Variants in ARF4 observed in about 807,000 individuals in gnomAD.
ARF4 encodes ADP-ribosylation factor 4.
A neutral mutation model predicts 24.3 loss-of-function variants in ARF4; 5 were observed. The ratio of observed to expected loss-of-function variants is 0.21; its 90% confidence interval spans 0.11 to 0.43. The LOEUF is 0.43. ARF4 is among the 20% of genes least tolerant of loss of function. The pLI is 1.00. For synonymous variants in ARF4, 62 were observed against 73.5 expected (o/e 0.84, Z 0.80); for missense variants, 107 against 213.0 (o/e 0.50, Z 3.10).
intron 5 of ARF4, among the ~76,000 whole-genome samples, chr3:57,574,851 C>T (rs1412947341): frequency 6.6e-5 from 10 of 151,800 alleles, no homozygotes; most frequent in Admixed American, 6.6e-4. Flanking sequence ...GACCCCCCAT[C>T]TCCACTTTTT....
At chr3:57,577,415 T>C in intron 3 of ARF4, 28 bp from the exon 4 acceptor site, 1 of 1,585,786 alleles carries the variant, frequency 6.3e-7, no homozygotes, top group East Asian at 2.2e-5. Context: ...CAGTAAATTT[T>C]AACAGTTAAA....
chr3:57,590,029 G>A (rs1036125056), intron 1 of ARF4, among the ~76,000 whole-genome samples: 23 of 146,280 alleles, frequency 1.6e-4, no homozygotes, highest in African/African-American at 2.3e-4. Context: ...AGGTGGAGGC[G>A]CAGTGAGTCG....
chr3:57,577,069 C>A (rs1028061179), intron 4 of ARF4, among the ~76,000 whole-genome samples: 12 of 145,254 alleles, frequency 8.3e-5, no homozygotes, highest in African/African-American at 1.1e-4. Flanking sequence ...AAAAAAAAAA[C>A]AACACTGCTC....
At chr3:57,582,660 C>G (rs897993804) in intron 3 of ARF4, among the ~76,000 whole-genome samples, 1 of 152,102 alleles carries the variant, frequency 6.6e-6, no homozygotes, top group Non-Finnish European at 1.5e-5. Context: ...GCAATAAACC[C>G]CACTTGTATG....
At chr3:57,581,833 G>A (rs1212166780) in intron 3 of ARF4, among the ~76,000 whole-genome samples, 1 of 152,152 alleles carries the variant, frequency 6.6e-6, no homozygotes, top group Non-Finnish European at 1.5e-5. Flanking sequence ...GAGCACATTA[G>A]AGATGAGTAT....
intron 1 of ARF4, 100 bp from the exon 2 acceptor site, chr3:57,584,564 C>A: frequency 1.0e-6 from 1 of 990,866 alleles, no homozygotes; most frequent in Non-Finnish European, 1.5e-6. Context: ...GTTGACTGTT[C>A]AAGACAACTT....
chr3:57,594,271 AT>A (rs906186587), intron 1 of ARF4, among the ~76,000 whole-genome samples: 1 of 152,136 alleles, frequency 6.6e-6, no homozygotes, highest in Admixed American at 6.5e-5. Flanking sequence ...CTTTATTTTT[AT>A]TTTTTTCAAA....
Position 57,575,579 on chromosome 3 carries a change from TTATC to T in ARF4, c.421_424del (p.Asp141AsnfsTer2). ...GTTACGAAGAGACTGAAGCCCTAGT[TTATC>T]TGTCATTTCACTGATGGCCATAGCA... On this transcript the variant is annotated frameshift_variant, in exon 5 of 6. Coordinates refer to ENST00000303436, the MANE Select transcript of ARF4 (RefSeq NM_001660.4). LOFTEE classifies it high-confidence loss of function. 1.2e-6 allele frequency: 2 copies of T among 1,613,526 alleles called. No individual in the cohort carries two copies. The highest frequency in any genetic ancestry group is 1.7e-6 in the Non-Finnish European group (2 of 1,179,852).
chr3:57,596,806 C>G lies in ARF4; in HGVS notation c.67+268G>C. ...CACATCTCTGCCCAATGTTGTCCAG[C>G]TTTCAATAAGATCAAGGAGAAAAAG... On this transcript the variant is annotated intron_variant, in intron 1 of 5. Transcript: ENST00000303436. The G allele has an allele frequency of 6.8e-6, 3 of 442,706 alleles. No individual in the cohort carries two copies. In the South Asian group the frequency reaches 7.2e-5, roughly 11 times the overall value. The allele number at this position is 442,706 out of a possible 1,614,324, so 27.4% of individuals were successfully genotyped here.
chr3:57,577,209 C>G lies in ARF4; in HGVS notation c.330+107G>C, dbSNP rs1026857833. The G allele has an allele frequency of 4.1e-5, 36 of 886,468 alleles. No individual in the cohort carries two copies. In the South Asian group the frequency reaches 5.2e-4, roughly 13 times the overall value. 54.9% of individuals were successfully genotyped at this position (886,468 alleles called of 1,614,324 possible). On this transcript the variant is annotated intron_variant, in intron 4 of 5. Coordinates refer to ENST00000303436, the MANE Select transcript of ARF4 (RefSeq NM_001660.4). ...TTTCTTAAGTTTATTTCTAGCCCCCCCAATCCATTTGTGTAATCTAATCAT... is the reference window on the plus strand; with the variant it reads ...TTTCTTAAGTTTATTTCTAGCCCCCGCAATCCATTTGTGTAATCTAATCAT...
At chr3:57,596,458 G>C (rs1327454847) in intron 1 of ARF4, 1 of 152,182 alleles carries the variant, frequency 6.6e-6, no homozygotes, top group African/African-American at 2.4e-5. Context: ...GATTAACAAG[G>C]AGCGAAAAAC....
At chr3:57,590,827 C>T (rs190276740) in intron 1 of ARF4, among the ~76,000 whole-genome samples, 10 of 152,194 alleles carry the variant, frequency 6.6e-5, no homozygotes, top group South Asian at 4.1e-4. Flanking sequence ...TACAGGGGCA[C>T]GCCACCATGC....
chr3:57,588,080 C>T (rs2070060699), intron 1 of ARF4, among the ~76,000 whole-genome samples: 1 of 152,090 alleles, frequency 6.6e-6, no homozygotes, highest in African/African-American at 2.4e-5. Context: ...AATGAAATTT[C>T]TCCACAAAAT....
In ARF4 at chr3:57,597,182, T is replaced by TGG. The variant is rs779108860; in HGVS notation, c.-44_-43dup. 6.4e-7 allele frequency: 1 copy of TGG among 1,574,360 alleles called. No individual in the cohort carries two copies. The highest frequency in any genetic ancestry group is 2.2e-5 in the East Asian group (1 of 44,574). On this transcript the variant is annotated 5_prime_UTR_variant, in exon 1 of 6. Transcript: ENST00000303436. ...GTGATGGGCAGAAGCAGAAGGGGTT[T>TGG]GGGGCGACCCCGTGCTTTCTCCTTT... is the stretch of plus-strand genomic sequence containing the variant.
intron 1 of ARF4, among the ~76,000 whole-genome samples, chr3:57,595,108 T>C (rs961848892): frequency 2.0e-5 from 3 of 152,228 alleles, no homozygotes; most frequent in Admixed American, 2.0e-4. Flanking sequence ...TTCTCTCCCA[T>C]TTTCTTCGAA....
At chr3:57,580,337 G>A (rs2069954087) in intron 3 of ARF4, among the ~76,000 whole-genome samples, 1 of 152,050 alleles carries the variant, frequency 6.6e-6, no homozygotes, top group Non-Finnish European at 1.5e-5. Flanking sequence ...TAGCAAATAT[G>A]TCTCCTCCTT....
chr3:57,594,015 G>T (rs1038825171), intron 1 of ARF4, among the ~76,000 whole-genome samples: 3 of 152,130 alleles, frequency 2.0e-5, no homozygotes, highest in African/African-American at 7.2e-5. Flanking sequence ...TAGCACTTTG[G>T]GAGGCCAAGG....
intron 1 of ARF4, among the ~76,000 whole-genome samples, chr3:57,592,775 G>GT (rs1454826768): frequency 1.3e-5 from 2 of 152,092 alleles, no homozygotes; most frequent in East Asian, 3.8e-4. Context: ...AGAAGAGCCT[G>GT]TTTTTTTAAA....
chr3:57,580,128 G>A (rs6445912), intron 3 of ARF4, among the ~76,000 whole-genome samples: 113,750 of 151,944 alleles, frequency 0.75, 44,673 homozygotes, highest in East Asian at 1. Context: ...AATGTTTGAT[G>A]CTTTGGGAGC....
Sources: gnomAD v4.1 joint callset for allele counts (sites outside exome capture counted in the v4.1 genomes callset) on GRCh38, gnomAD v4.1.1 for gene constraint, MANE v1.5 for transcripts, NCBI Gene and HGNC (gene_info 2026-07-23, HGNC 2026-07-21) for gene names.